Variants in HS1BP3 observed in about 807,000 individuals in gnomAD.
The protein encoded by HS1BP3 is HCLS1 binding protein 3.
HS1BP3 carries 32 observed loss-of-function variants against 33.5 expected under a neutral mutation model. The ratio of observed to expected loss-of-function variants is 0.95; its 90% CI spans 0.72 to 1.28. The LOEUF (loss-of-function observed/expected upper bound fraction) is 1.28. Among genes scored for constraint, HS1BP3 ranks in the 50% most tolerant of loss-of-function variants. The probability of loss-of-function intolerance (pLI) is 0.00; values close to 1 mark genes in which losing one functional copy is unlikely to be tolerated. For synonymous variants in HS1BP3, 187 were observed against 209.2 expected (o/e 0.89, Z 0.92); for missense variants, 486 against 502.3 (o/e 0.97, Z 0.31).
chr2:20,613,149 T>C (rs1381084434), downstream of HS1BP3, among the ~76,000 whole-genome samples: 2 of 152,166 alleles, frequency 1.3e-5, no homozygotes, highest in Non-Finnish European at 2.9e-5. Flanking sequence ...CAGAAAAACA[T>C]TGCCCTCTGG....
chr2:20,585,622 T>C (rs1693661858), intron 5 of HS1BP3, among the ~76,000 whole-genome samples: 1 of 152,210 alleles, frequency 6.6e-6, no homozygotes, highest in Non-Finnish European at 1.5e-5. Context: ...GATTTCCTGT[T>C]CTAAAATCCA....
intron 2 of HS1BP3, among the ~76,000 whole-genome samples, chr2:20,612,368 T>C (rs967179754): frequency 6.6e-6 from 1 of 152,234 alleles, no homozygotes; most frequent in Non-Finnish European, 1.5e-5. Flanking sequence ...AAGTGTACAA[T>C]TGAACAATTT....
intron 5 of HS1BP3, among the ~76,000 whole-genome samples, chr2:20,561,706 A>G (rs895415233): frequency 6.6e-6 from 1 of 152,162 alleles, no homozygotes; most frequent in Non-Finnish European, 1.5e-5. Flanking sequence ...TGATACTGTG[A>G]TGTAATAAGA....
chr2:20,617,646 T>C (rs1294583644), downstream of HS1BP3, among the ~76,000 whole-genome samples: 1 of 152,136 alleles, frequency 6.6e-6, no homozygotes, highest in Non-Finnish European at 1.5e-5. Context: ...TTGGTGTCTA[T>C]CAGAAAAGGG....
chr2:20,555,861 A>T (rs1292087782), downstream of HS1BP3, among the ~76,000 whole-genome samples: 1 of 152,088 alleles, frequency 6.6e-6, no homozygotes, highest in Non-Finnish European at 1.5e-5. Flanking sequence ...GAGAAAATGG[A>T]ATCCCAATTC....
chr2:20,618,690 G>T lies in HS1BP3; in HGVS notation c.*297C>A, dbSNP rs2149289126. The T allele has an allele frequency of 8.1e-7, 1 of 1,240,424 alleles. No individual in the cohort carries two copies. Among genetic ancestry groups the T allele is most frequent in the Non-Finnish European group, 1.0e-6 (1 of 987,688 alleles). The allele number at this position is 1,240,424 out of a possible 1,614,324, so 76.8% of individuals were successfully genotyped here. A position where few individuals can be genotyped will look rare whatever the true frequency, so the allele number is the denominator to read the frequency against. On this transcript the variant is annotated 3_prime_UTR_variant, in exon 7 of 7. Transcript: ENST00000304031. ...CATGTCTTGCTTCATCCTTGGGGCTGGGCTTCTGGTTGGCAAGGCATCCCC... is the reference window on the plus strand; with the variant it reads ...CATGTCTTGCTTCATCCTTGGGGCTTGGCTTCTGGTTGGCAAGGCATCCCC...
At chr2:20,577,847 G>A (rs776907249) in intron 5 of HS1BP3, among the ~76,000 whole-genome samples, 25 of 152,146 alleles carry the variant, frequency 1.6e-4, no homozygotes, top group Non-Finnish European at 3.5e-4. Flanking sequence ...GGGCTTCCAG[G>A]GTTCTGTTAT....
chr2:20,622,720 T>G (rs972246133), intron 6 of HS1BP3: 7 of 190,434 alleles, frequency 3.7e-5, no homozygotes, highest in Admixed American at 2.1e-4. Context: ...CTGGCCCTGC[T>G]GCTCCGCAGG....
chr2:20,577,794 T>G (rs112750634), intron 5 of HS1BP3, among the ~76,000 whole-genome samples: 3 of 152,184 alleles, frequency 2.0e-5, no homozygotes, highest in Non-Finnish European at 4.4e-5. Flanking sequence ...TGAGGGGGTA[T>G]TGTCTAAGCT....
intron 2 of HS1BP3, among the ~76,000 whole-genome samples, chr2:20,601,547 G>T (rs1404601677): frequency 6.6e-6 from 1 of 152,036 alleles, no homozygotes; most frequent in Non-Finnish European, 1.5e-5. Flanking sequence ...CATGGGGGCG[G>T]GTCTTTCCTG....
intron 4 of HS1BP3, among the ~76,000 whole-genome samples, chr2:20,625,892 C>A (rs1028841733): frequency 2.6e-5 from 4 of 152,186 alleles, no homozygotes; most frequent in African/African-American, 9.7e-5. Flanking sequence ...TAAGTAAACA[C>A]ACTTGATTTT....
the HS1BP3 span, among the ~76,000 whole-genome samples, chr2:20,555,003 T>C: frequency 6.6e-6 from 1 of 152,264 alleles, no homozygotes; most frequent in East Asian, 1.9e-4. Flanking sequence ...AACTTGACTT[T>C]CCTGTGCATT....
downstream of HS1BP3, among the ~76,000 whole-genome samples, chr2:20,588,442 G>A (rs547281731): frequency 4.6e-5 from 7 of 152,166 alleles, no homozygotes; most frequent in Non-Finnish European, 8.8e-5. Context: ...TCAGCCTCCC[G>A]AGTAGCTGGA....
chr2:20,618,944 C>A lies in HS1BP3; in HGVS notation c.*43G>T, dbSNP rs763000106. 8 of 1,589,338 alleles carry A rather than the reference C, an allele frequency of 5.0e-6. No homozygotes were observed. The highest frequency in any genetic ancestry group is 1.3e-5 in the African/African-American group (1 of 74,670). On this transcript the variant is annotated 3_prime_UTR_variant, in exon 7 of 7. Coordinates refer to ENST00000304031, the MANE Select transcript of HS1BP3 (RefSeq NM_022460.4). ...CAGTCCCTTCCCTTCACACCGATGT[C>A]CCCACAGACAGGCCTGCTGGGCCAG...
At chr2:20,647,652 C>T (rs1009960623) in intron 1 of HS1BP3, among the ~76,000 whole-genome samples, 2 of 152,186 alleles carry the variant, frequency 1.3e-5, no homozygotes, top group Non-Finnish European at 2.9e-5. Flanking sequence ...ATCACCCTCC[C>T]ACTTCCCTGA....
At chr2:20,627,059 C>T (rs1045830487) in intron 4 of HS1BP3, among the ~76,000 whole-genome samples, 7 of 152,248 alleles carry the variant, frequency 4.6e-5, no homozygotes, top group African/African-American at 7.2e-5. Flanking sequence ...TGGAATTCCA[C>T]GGTCAGCCAG....
chr2:20,580,930 T>C (rs981719838), intron 5 of HS1BP3, among the ~76,000 whole-genome samples: 2 of 152,194 alleles, frequency 1.3e-5, no homozygotes, highest in Non-Finnish European at 2.9e-5. Flanking sequence ...ACACCACGGA[T>C]ATTGGCCCAG....
At chr2:20,627,224 G>A (rs550573192) in intron 4 of HS1BP3, among the ~76,000 whole-genome samples, 150 of 152,350 alleles carry the variant, frequency 9.8e-4, no homozygotes, top group African/African-American at 3.4e-3. Context: ...CTCTCAGGGA[G>A]GGCAGGTCTG....
chr2:20,567,552 A>G (rs1693165004), intron 5 of HS1BP3, among the ~76,000 whole-genome samples: 1 of 151,996 alleles, frequency 6.6e-6, no homozygotes, highest in African/African-American at 2.4e-5. Context: ...GGGGTCTGCG[A>G]TCAGCCAGAC....
Sources: gnomAD v4.1 joint callset for allele counts (sites outside exome capture counted in the v4.1 genomes callset) on GRCh38, gnomAD v4.1.1 for gene constraint, MANE v1.5 for transcripts, NCBI Gene and HGNC (gene_info 2026-07-23, HGNC 2026-07-21) for gene names.